HLA-DPB1: variants seen among roughly 807,000 people sequenced by gnomAD.
HLA-DPB1 encodes the protein HLA class II histocompatibility antigen, DP beta 1 chain.
A neutral mutation model predicts 29.4 loss-of-function variants in HLA-DPB1; 30 were observed. That is an observed-to-expected ratio of 1.02 (90% CI 0.76 to 1.38). HLA-DPB1 has a LOEUF of 1.38. Ranked by LOEUF, HLA-DPB1 falls within the 40% of genes most tolerant of loss-of-function variation. HLA-DPB1 has a pLI of 0.00. For synonymous variants in HLA-DPB1, 114 were observed against 134.0 expected (o/e 0.85, Z 1.03); for missense variants, 261 against 327.5 (o/e 0.80, Z 1.57).
At position 33,085,232 on chromosome 6, in the gene HLA-DPB1, G is replaced by A; in HGVS notation, c.646+1G>A. The stretch of plus-strand genomic sequence containing the variant: ...GATAGTCCTGTCACCGTGGAGTGGA[G>A]TGAGTCTCTGATGACCCTCTAGACC... On this transcript the variant is annotated splice_donor_variant, in intron 3 of 5. Transcript: ENST00000418931. LOFTEE classifies it high-confidence loss of function. 1 of 1,601,422 alleles carries A rather than the reference G, an allele frequency of 6.2e-7. No individual in the cohort carries two copies. Among genetic ancestry groups the A allele is most frequent in the South Asian group, 1.1e-5 (1 of 89,420 alleles).
chr6:33,089,291 T>A lies in HLA-DPB1; in HGVS notation c.*2757T>A, dbSNP rs935561493. On this transcript the variant is annotated 3_prime_UTR_variant, in exon 6 of 6. Coordinates refer to ENST00000418931, the MANE Select transcript of HLA-DPB1 (RefSeq NM_002121.6). ...CCTCCTAGTTCTTTTGTCTCTCAGCTTCTCTGAAGTCTCATTGAGCACCTT... is the reference window on the plus strand; with the variant it reads ...CCTCCTAGTTCTTTTGTCTCTCAGCATCTCTGAAGTCTCATTGAGCACCTT... 4.6e-5 allele frequency among the ~76,000 whole-genome samples: 7 copies of A among 152,218 alleles called. No homozygotes were observed. Among genetic ancestry groups the A allele is most frequent in the African/African-American group, 1.7e-4 (7 of 41,448 alleles).
intron 1 of HLA-DPB1, among the ~76,000 whole-genome samples, chr6:33,077,046 T>C (rs904869838): frequency 4.0e-5 from 6 of 151,180 alleles, no homozygotes; most frequent in Non-Finnish European, 8.9e-5. Context: ...ATTAGGTATA[T>C]TTCCTAATGC....
intron 2 of HLA-DPB1, among the ~76,000 whole-genome samples, chr6:33,082,405 G>C (rs1263604268): frequency 6.6e-6 from 1 of 151,990 alleles, no homozygotes; most frequent in Non-Finnish European, 1.5e-5. Flanking sequence ...GTGATGCACA[G>C]ATCTCCAGAC....
In HLA-DPB1 at chr6:33,080,326, G is replaced by A; in HGVS notation, c.101-346G>A. On this transcript the variant is annotated intron_variant, in intron 1 of 5. Coordinates refer to ENST00000418931, the MANE Select transcript of HLA-DPB1 (RefSeq NM_002121.6). This position sits in a 1 kb window ranked among gnomAD's most constrained non-coding sequence, Gnocchi z 4.3. ...GCCCTCCACGTCCCCAGCTCCTCCCGCCCCTGTTTTTTCTCCCAGTGACCC... is the reference window on the plus strand; with the variant it reads ...GCCCTCCACGTCCCCAGCTCCTCCCACCCCTGTTTTTTCTCCCAGTGACCC... 2 of 479,536 alleles carry A rather than the reference G, an allele frequency of 4.2e-6. No individual in the cohort carries two copies. The highest frequency in any genetic ancestry group is 1.7e-5 in the South Asian group (1 of 58,634). The allele number at this position is 479,536 out of a possible 1,614,324, so 29.7% of individuals were successfully genotyped here. A position where few individuals can be genotyped will look rare whatever the true frequency, so the allele number is the denominator to read the frequency against.
intron 2 of HLA-DPB1, among the ~76,000 whole-genome samples, chr6:33,082,892 G>A (rs776990718): frequency 1.3e-5 from 2 of 152,164 alleles, no homozygotes; most frequent in Non-Finnish European, 2.9e-5. Flanking sequence ...TAACTCCAGC[G>A]CACCCTGGAG....
In HLA-DPB1 at chr6:33,086,557, A is replaced by C; in HGVS notation, c.*23A>C. On this transcript the variant is annotated 3_prime_UTR_variant, in exon 6 of 6. Transcript: ENST00000418931. Reference sequence around the variant, plus strand: ...CCCACAGGGTTCCTGAGCTCACTGAAAAGACTATTGTGCCTTAGGAAAAGC... The same window carrying C: ...CCCACAGGGTTCCTGAGCTCACTGACAAGACTATTGTGCCTTAGGAAAAGC... The C allele has an allele frequency of 1.6e-6, 1 of 624,976 alleles. No individual in the cohort carries two copies. The highest frequency in any genetic ancestry group is 3.0e-6 in the Non-Finnish European group (1 of 332,416). 38.7% of individuals were successfully genotyped at this position (624,976 alleles called of 1,614,324 possible). A position where few individuals can be genotyped will look rare whatever the true frequency, so the allele number is the denominator to read the frequency against.
chr6:33,080,236 T>G lies in HLA-DPB1; in HGVS notation c.101-436T>G. 3.0e-6 allele frequency: 1 copy of G among 330,572 alleles called. No individual in the cohort carries two copies. The allele number at this position is 330,572 out of a possible 1,614,324, so 20.5% of individuals were successfully genotyped here. A position where few individuals can be genotyped will look rare whatever the true frequency, so the allele number is the denominator to read the frequency against. ...GGAGGGCTTCCTGGAGGAGGTGGCA[T>G]TTGAACCAGGACTGACATCAGGATG... On this transcript the variant is annotated intron_variant, in intron 1 of 5. Coordinates refer to ENST00000418931, the MANE Select transcript of HLA-DPB1 (RefSeq NM_002121.6). This position sits in a 1 kb window ranked among gnomAD's most constrained non-coding sequence, Gnocchi z 4.3.
chr6:33,086,541 T>G lies in HLA-DPB1; in HGVS notation c.*7T>G. On this transcript the variant is annotated splice_region_variant and 3_prime_UTR_variant, in exon 6 of 6. Transcript: ENST00000418931. ...TAACTTGTCTTTTACCCCCACAGGG[T>G]TCCTGAGCTCACTGAAAAGACTATT... The G allele has an allele frequency of 1.5e-6, 1 of 653,056 alleles. No individual in the cohort carries two copies. Among genetic ancestry groups the G allele is most frequent in the African/African-American group, 1.9e-5 (1 of 53,974 alleles). The allele number at this position is 653,056 out of a possible 1,614,324, so 40.5% of individuals were successfully genotyped here.
At chr6:33,077,882 T>C (rs7770418) in intron 1 of HLA-DPB1, among the ~76,000 whole-genome samples, 14,905 of 151,878 alleles carry the variant, frequency 0.098, 885 homozygotes, top group South Asian at 0.19. Flanking sequence ...TCTATTACCT[T>C]GGGTTCATTG....
At chr6:33,084,886 A>AC in intron 2 of HLA-DPB1, 64 bp from the exon 3 acceptor site, 1 of 818,568 alleles carries the variant, frequency 1.2e-6, no homozygotes, top group Non-Finnish European at 1.7e-6. Context: ...GGAAGGAAGG[A>AC]AGGAAGGAAG....
chr6:33,078,277 C>T (rs1387353821), intron 1 of HLA-DPB1, among the ~76,000 whole-genome samples: 4 of 152,058 alleles, frequency 2.6e-5, no homozygotes, highest in Admixed American at 2.0e-4. Flanking sequence ...ACTGGAGCTC[C>T]CTGCGTAGAA....
chr6:33,080,724 G>A lies in HLA-DPB1; in HGVS notation c.153G>A (p.Gln51=), dbSNP rs772611590. The A allele has an allele frequency of 2.1e-5, 34 of 1,613,544 alleles. 1 individual carries two copies. The Middle Eastern group carries it at 8.2e-4, about 39-fold the overall frequency. The change falls in exon 2 of 6, where the codon CAG becomes CAA. Residue 51 remains glutamine, a synonymous_variant. Transcript: ENST00000418931. The surrounding 1 kb of genome is among the most constrained non-coding windows in gnomAD (Gnocchi z 4.3). The stretch of plus-strand genomic sequence containing the variant: ...AATGCTACGCGTTTAATGGGACACA[G>A]CGCTTCCTGGAGAGATACATCTACA... ...RQECYAFNGT[Q]RFLERYIYNR...
Position 33,080,625 on chromosome 6 carries a change from A to C in HLA-DPB1, c.101-47A>C, listed in dbSNP as rs1762787142. On this transcript the variant is annotated intron_variant, in intron 1 of 5. Coordinates refer to ENST00000418931, the MANE Select transcript of HLA-DPB1 (RefSeq NM_002121.6). The surrounding 1 kb of genome is among the most constrained non-coding windows in gnomAD (Gnocchi z 4.3). The stretch of plus-strand genomic sequence containing the variant: ...ATTGAGAGAGAGAGGGAGAAAGAGG[A>C]TTAGATGAGAGTGGCGCCTCCGCTC... 1.2e-6 allele frequency: 2 copies of C among 1,609,878 alleles called. No homozygotes were observed. Among genetic ancestry groups the C allele is most frequent in the African/African-American group, 2.7e-5 (2 of 74,764 alleles).
intron 2 of HLA-DPB1, among the ~76,000 whole-genome samples, chr6:33,083,221 A>G (rs1038996033): frequency 1.3e-5 from 2 of 152,204 alleles, no homozygotes; most frequent in African/African-American, 4.8e-5. Flanking sequence ...AATAGGGAGT[A>G]AGGGTTGTGT....
intron 4 of HLA-DPB1, 72 bp from the exon 5 acceptor site, chr6:33,086,147 A>G (rs1002545086): frequency 7.6e-7 from 1 of 1,309,878 alleles, no homozygotes; most frequent in African/African-American, 1.5e-5. Flanking sequence ...ATTTGGTGGG[A>G]TGGAAATGTT....
chr6:33,085,093 G>A lies in HLA-DPB1; in HGVS notation c.508G>A (p.Val170Met), dbSNP rs1471037842. The A allele has an allele frequency of 2.1e-5, 34 of 1,613,746 alleles. No homozygotes were observed. Among genetic ancestry groups the A allele is most frequent in the East Asian group, 6.7e-5 (3 of 44,886 alleles). Reference sequence around the variant, plus strand: ...TGGACAGGAGGAAACAGCTGGGGTCGTGTCCACCAACCTGATCCGTAATGG... The same window carrying A: ...TGGACAGGAGGAAACAGCTGGGGTCATGTCCACCAACCTGATCCGTAATGG... ...LNGQEETAGVVSTNLIRNGDW... is the reference protein window; with the variant it reads ...LNGQEETAGVMSTNLIRNGDW... The change falls in exon 3 of 6, where the codon GTG (valine) becomes ATG (methionine). Residue 170 changes from valine (V) to methionine (M), a missense_variant. Val to Met is a conservative substitution (Grantham distance 21). Transcript: ENST00000418931.
In HLA-DPB1 at chr6:33,087,934, A is replaced by T. The variant is rs947981553; in HGVS notation, c.*1400A>T. ...GACACAATCATTTTTTCTTTTTAAA[A>T]CATCTTTATCCCTGATCAGCCTCAT... On this transcript the variant is annotated 3_prime_UTR_variant, in exon 6 of 6. Coordinates refer to ENST00000418931, the MANE Select transcript of HLA-DPB1 (RefSeq NM_002121.6). 1.0e-4 allele frequency among the ~76,000 whole-genome samples: 15 copies of T among 142,978 alleles called. No individual in the cohort carries two copies. The highest frequency in any genetic ancestry group is 1.6e-4 in the Non-Finnish European group (11 of 67,336). 93.8% of individuals were successfully genotyped at this position (142,978 alleles called of 152,430 possible). A position where few individuals can be genotyped will look rare whatever the true frequency, so the allele number is the denominator to read the frequency against.
chr6:33,081,047 C>A, intron 2 of HLA-DPB1, 112 bp downstream of exon 2: 1 of 1,274,138 alleles, frequency 7.8e-7, no homozygotes, highest in Non-Finnish European at 1.0e-6. Context: ...GGAAAGGGGA[C>A]TTTGGGTTGG....
rs1211308370 is a variant in HLA-DPB1, at chr6:33,076,089, G to A, written c.48G>A (p.Thr16=). Residue 16 remains threonine (T), a synonymous_variant, in exon 1 of 6, where the codon ACG becomes ACA. Transcript: ENST00000418931. ...VSAAPRTVAL[T]ALLMVLLTSV... The stretch of plus-strand genomic sequence containing the variant: ...CGGCCCCCCGGACAGTGGCTCTGAC[G>A]GCGTTACTGATGGTGCTGCTCACAT... The A allele has an allele frequency of 1.2e-6, 2 of 1,612,474 alleles. No homozygotes were observed. The highest frequency in any genetic ancestry group is 1.7e-6 in the Non-Finnish European group (2 of 1,179,868).
Sources: allele counts gnomAD v4.1 joint callset (sites outside exome capture counted in the v4.1 genomes callset), GRCh38; gene constraint gnomAD v4.1.1; non-coding constraint Gnocchi (gnomAD v3.1); transcripts MANE v1.5; gene names NCBI Gene and HGNC (gene_info 2026-07-23, HGNC 2026-07-21).